The following RSPH14 variants were observed in gnomAD, a reference collection of about 807,000 sequenced individuals.
RSPH14 encodes the protein rhabdoid tumor deletion region gene 1.
In RSPH14, 20 loss-of-function variants were observed where a neutral mutation model predicts 26.7. The observed-to-expected ratio is 0.75, with a 90% CI of 0.53 to 1.09. RSPH14 has a LOEUF of 1.09. Ranked by LOEUF, RSPH14 falls within the 50% of genes least tolerant of loss-of-function variation. The pLI is 0.00. For synonymous variants in RSPH14, 177 were observed against 189.3 expected (o/e 0.93, Z 0.53); for missense variants, 449 against 457.2 (o/e 0.98, Z 0.16).
At chr22:23,126,911 C>G (rs991018540) in intron 4 of RSPH14, among the ~76,000 whole-genome samples, 2 of 152,248 alleles carry the variant, frequency 1.3e-5, no homozygotes, top group African/African-American at 2.4e-5. Flanking sequence ...GGGTCAACAA[C>G]AGTGGTCACG....
At chr22:23,090,886 G>A (rs1354159307) in intron 4 of RSPH14, among the ~76,000 whole-genome samples, 2 of 152,158 alleles carry the variant, frequency 1.3e-5, no homozygotes, top group Non-Finnish European at 2.9e-5. Flanking sequence ...ATCTTCATCT[G>A]CCTCATTCAG....
At chr22:23,083,047 G>A (rs2068724166) in intron 4 of RSPH14, among the ~76,000 whole-genome samples, 1 of 152,174 alleles carries the variant, frequency 6.6e-6, no homozygotes, top group Admixed American at 6.5e-5. Flanking sequence ...AGGGAAGTTG[G>A]GAGAGTGAAG....
chr22:23,097,507 C>T (rs1053443026), intron 4 of RSPH14, among the ~76,000 whole-genome samples: 1 of 152,250 alleles, frequency 6.6e-6, no homozygotes, highest in Non-Finnish European at 1.5e-5. Flanking sequence ...CCCCTCCTCG[C>T]ATCAGGGGTC....
At chr22:23,128,176 C>T (rs2070230670) in intron 4 of RSPH14, among the ~76,000 whole-genome samples, 1 of 152,206 alleles carries the variant, frequency 6.6e-6, no homozygotes, top group African/African-American at 2.4e-5. Flanking sequence ...CAACTGCACC[C>T]CAAAATCTGG....
At position 23,141,982 on chromosome 22, in the gene RSPH14, C is replaced by A; in HGVS notation, c.-86G>T. 1.0e-6 allele frequency: 1 copy of A among 985,668 alleles called. No individual in the cohort carries two copies. The allele number at this position is 985,668 out of a possible 1,614,324, so 61.1% of individuals were successfully genotyped here. ...GCAGCCCTTTCTGCTTCCAGTAGCC[C>A]GCGCCACTGGCCAACCTATTCAGTT... On this transcript the variant is annotated 5_prime_UTR_variant, in exon 1 of 7. Transcript: ENST00000216036.
intron 4 of RSPH14, among the ~76,000 whole-genome samples, chr22:23,114,707 G>A (rs1169199610): frequency 6.6e-6 from 1 of 152,220 alleles, no homozygotes; most frequent in African/African-American, 2.4e-5. Flanking sequence ...TGTGTGTGTG[G>A]TTATTTTTTT....
At chr22:23,134,407 A>G (rs1739683165) in intron 3 of RSPH14, among the ~76,000 whole-genome samples, 1 of 152,058 alleles carries the variant, frequency 6.6e-6, no homozygotes, top group African/African-American at 2.4e-5. Flanking sequence ...TACACCAGTT[A>G]TGCTTGTTGT....
At chr22:23,155,860 G>C in the RSPH14 span, 12 of 972,068 alleles carry the variant, frequency 1.2e-5, no homozygotes, top group African/African-American at 1.7e-4. Context: ...CATGCAGCTG[G>C]CACAGGCCCT....
At chr22:23,144,492 G>A (rs144412558), upstream of RSPH14, among the ~76,000 whole-genome samples, 1,651 of 152,210 alleles carry the variant, frequency 0.011, 20 homozygotes, top group Middle Eastern at 0.02. Flanking sequence ...ACTGAGGTGC[G>A]GAAGGTGGAA....
intron 4 of RSPH14, among the ~76,000 whole-genome samples, chr22:23,130,108 A>G (rs774498127): frequency 9.2e-4 from 89 of 97,108 alleles, no homozygotes; most frequent in African/African-American, 3.0e-3. Flanking sequence ...AGAAAGAAAG[A>G]AAGAAAGAAA....
chr22:23,156,663 T>C, the RSPH14 span, among the ~76,000 whole-genome samples: 1 of 152,260 alleles, frequency 6.6e-6, no homozygotes, highest in Admixed American at 6.5e-5. Flanking sequence ...GGCACCGATA[T>C]GTCTACTCGG....
At chr22:23,103,639 A>AT (rs142535086) in intron 4 of RSPH14, among the ~76,000 whole-genome samples, 4,795 of 152,296 alleles carry the variant, frequency 0.031, 250 homozygotes, top group African/African-American at 0.11. Flanking sequence ...GCAACCTTGC[A>AT]TTGGCTAACA....
chr22:23,088,725 T>C (rs1003527190), intron 4 of RSPH14, among the ~76,000 whole-genome samples: 4 of 152,176 alleles, frequency 2.6e-5, no homozygotes, highest in Non-Finnish European at 5.9e-5. Context: ...GGTCCCCACA[T>C]TGAGGCTAGA....
At chr22:23,130,097 A>AAGAAAG (rs2070297006) in intron 4 of RSPH14, among the ~76,000 whole-genome samples, 2 of 56,764 alleles carry the variant, frequency 3.5e-5, no homozygotes, top group African/African-American at 1.2e-4. Flanking sequence ...GAAAGAAAGA[A>AAGAAAG]AGAAAGAAAG....
chr22:23,069,879 A>G (rs3788338), intron 4 of RSPH14, among the ~76,000 whole-genome samples: 116,811 of 152,132 alleles, frequency 0.77, 45,134 homozygotes, highest in East Asian at 0.96. Flanking sequence ...AGAAAGGCTG[A>G]GAGAGGTCAG....
rs900769435 is a variant in RSPH14, at chr22:23,140,474, TAA to T, written c.-52-4_-52-3del. On this transcript the variant is annotated splice_region_variant and splice_polypyrimidine_tract_variant and intron_variant, in intron 1 of 6. Transcript: ENST00000216036. ...ATGAAGCTCTGCAGAAACCACTCACTAAAAGAGACCAAAAAGCTGTCATTATT... is the reference window on the plus strand; with the variant it reads ...ATGAAGCTCTGCAGAAACCACTCACTAAGAGACCAAAAAGCTGTCATTATT... The T allele has an allele frequency of 1.9e-6, 3 of 1,583,962 alleles. No individual in the cohort carries two copies. In the African/African-American group the frequency reaches 4.0e-5, roughly 21 times the overall value.
chr22:23,176,666 A>C, the RSPH14 span, among the ~76,000 whole-genome samples: 733 of 152,126 alleles, frequency 4.8e-3, 5 homozygotes, highest in African/African-American at 0.017. Context: ...TTACTTCCAG[A>C]ATGCTCCTGA....
At chr22:23,114,188 G>A (rs1186777754) in intron 4 of RSPH14, among the ~76,000 whole-genome samples, 7 of 152,320 alleles carry the variant, frequency 4.6e-5, no homozygotes, top group Admixed American at 4.6e-4. Flanking sequence ...GGGCTGGCCT[G>A]TCCATGGTGA....
rs187349474 is a variant in RSPH14 at position 23,078,259 on chromosome 22, G to A, written c.422-14126C>T. On this transcript the variant is annotated intron_variant, in intron 4 of 6. Coordinates refer to ENST00000216036, the MANE Select transcript of RSPH14 (RefSeq NM_014433.3). ...AGTGTTGCCTCCATTATCCAATTTC[G>A]GATTAATCAAACTCTCTTTGTCCTC... Among the ~76,000 whole-genome samples, 77 of 152,308 alleles carry A rather than the reference G, an allele frequency of 5.1e-4. 1 individual carries two copies. The East Asian group carries it at 0.01, about 21-fold the overall frequency.
Sources: gnomAD v4.1 joint callset for allele counts (sites outside exome capture counted in the v4.1 genomes callset) on GRCh38, gnomAD v4.1.1 for gene constraint, MANE v1.5 for transcripts, NCBI Gene and HGNC (gene_info 2026-07-23, HGNC 2026-07-21) for gene names.